Variants in SUPT3H observed in about 807,000 individuals in gnomAD.
SUPT3H encodes the protein SPT3 homolog, SAGA and STAGA complex component, also known as transcription initiation protein SPT3 homolog.
Under a neutral mutation model 44.3 loss-of-function variants are expected in SUPT3H, and 44 were observed. That is an observed-to-expected ratio of 0.99 (90% CI 0.78 to 1.28). The LOEUF (loss-of-function observed/expected upper bound fraction) is 1.28, where lower values mean the gene tolerates loss of function less well. Among genes scored for constraint, SUPT3H ranks in the 50% most tolerant of loss-of-function variants. SUPT3H has a pLI of 0.00. For missense variants in SUPT3H, 380 were observed against 387.1 expected, an observed-to-expected ratio of 0.98 and a Z score of 0.15; for synonymous variants, 124 against 125.6, an observed-to-expected ratio of 0.99 and a Z score of 0.09.
At chr6:45,327,908 G>A (rs967701715) in intron 2 of SUPT3H, among the ~76,000 whole-genome samples, 1 of 151,858 alleles carries the variant, frequency 6.6e-6, no homozygotes, top group African/African-American at 2.4e-5. Flanking sequence ...ACAGACTCTT[G>A]AGCCAATTTT....
intron 2 of SUPT3H, among the ~76,000 whole-genome samples, chr6:45,243,165 T>TC (rs1238517812): frequency 8.6e-6 from 1 of 116,788 alleles, no homozygotes; most frequent in Non-Finnish European, 1.6e-5. Flanking sequence ...GCCACTGCAC[T>TC]CCAGCCTGGG....
intron 9 of SUPT3H, among the ~76,000 whole-genome samples, chr6:44,946,121 C>T (rs921411998): frequency 1.6e-4 from 25 of 152,144 alleles, no homozygotes; most frequent in African/African-American, 5.8e-4. Flanking sequence ...TACAGCATGG[C>T]TTACTGAATA....
At chr6:44,906,426 T>C (rs983916818) in intron 10 of SUPT3H, among the ~76,000 whole-genome samples, 1 of 152,296 alleles carries the variant, frequency 6.6e-6, no homozygotes, top group Admixed American at 6.5e-5. Context: ...CATTGTACAA[T>C]GGATTTCATT....
At chr6:44,982,124 A>G (rs1391257495) in intron 6 of SUPT3H, among the ~76,000 whole-genome samples, 3 of 152,224 alleles carry the variant, frequency 2.0e-5, no homozygotes, top group African/African-American at 7.2e-5. Flanking sequence ...GATTTAAGAG[A>G]TAAGACAACC....
intron 2 of SUPT3H, among the ~76,000 whole-genome samples, chr6:45,162,387 G>T (rs927721127): frequency 2.0e-5 from 3 of 151,976 alleles, no homozygotes; most frequent in African/African-American, 4.8e-5. Context: ...AGCCAGCTGG[G>T]GTGGTGTGCA....
At chr6:45,314,692 A>G (rs1784442805) in intron 2 of SUPT3H, among the ~76,000 whole-genome samples, 1 of 152,226 alleles carries the variant, frequency 6.6e-6, no homozygotes, top group African/African-American at 2.4e-5. Flanking sequence ...CAGAATCAGT[A>G]TTGTGAAAAT....
chr6:45,292,567 T>C (rs1403894348), intron 2 of SUPT3H, among the ~76,000 whole-genome samples: 2 of 151,614 alleles, frequency 1.3e-5, no homozygotes, highest in Admixed American at 6.6e-5. Flanking sequence ...CAACCAATTA[T>C]CTGCTGCCTT....
rs111992171 is a variant in SUPT3H, at chr6:44,916,972, A to AAAACAAACAAAC, written c.912+15669_912+15680dup. Among the ~76,000 whole-genome samples, 990 of 150,956 alleles carry AAAACAAACAAAC rather than the reference A, an allele frequency of 6.6e-3. 10 individuals carry two copies. Among genetic ancestry groups the AAAACAAACAAAC allele is most frequent in the African/African-American group, 0.023 (941 of 40,646 alleles). On this transcript the variant is annotated intron_variant, in intron 10 of 10. Transcript: ENST00000371459. ...ACATGGTGAGACCCTGTCTCTACAA[A>AAAACAAACAAAC]AAACAAACAAACAAACAAACAAACA...
chr6:45,087,328 T>G (rs1796595137), intron 3 of SUPT3H, among the ~76,000 whole-genome samples: 1 of 151,908 alleles, frequency 6.6e-6, no homozygotes, highest in Non-Finnish European at 1.5e-5. Context: ...TATTAAAAGT[T>G]AAAATGTTTA....
intron 2 of SUPT3H, among the ~76,000 whole-genome samples, chr6:45,238,699 CTA>C (rs1769688842): frequency 6.6e-6 from 1 of 152,154 alleles, no homozygotes; most frequent in South Asian, 2.1e-4. Flanking sequence ...TTCATGGACT[CTA>C]TAACTCCTTA....
chr6:44,915,154 A>G (rs1767622491), intron 10 of SUPT3H, among the ~76,000 whole-genome samples: 1 of 152,226 alleles, frequency 6.6e-6, no homozygotes, highest in Non-Finnish European at 1.5e-5. Flanking sequence ...AACTGAATGC[A>G]TGAGAAATAC....
chr6:45,372,112 T>A (rs1239070938), intron 1 of SUPT3H: 1 of 716,424 alleles, frequency 1.4e-6, no homozygotes, highest in African/African-American at 1.9e-5. Context: ...AATATCTGAC[T>A]ATGCCAAACC....
intron 2 of SUPT3H, among the ~76,000 whole-genome samples, chr6:45,160,721 C>T (rs1359511350): frequency 6.6e-6 from 1 of 151,724 alleles, no homozygotes; most frequent in Non-Finnish European, 1.5e-5. Flanking sequence ...CTCATAGACA[C>T]AAAAGAAATA....
intron 10 of SUPT3H, among the ~76,000 whole-genome samples, chr6:44,833,931 A>C (rs1325955039): frequency 6.6e-6 from 1 of 152,212 alleles, no homozygotes; most frequent in Non-Finnish European, 1.5e-5. Flanking sequence ...TTCCGAGTAC[A>C]GACAATGGAC....
In SUPT3H at chr6:44,954,513, C is replaced by T. The variant is rs369552404; in HGVS notation, c.675G>A (p.Ala225=). Reference sequence around the variant, plus strand: ...TTCTTACCTGTGCCACAGTTTCATACGCTAAATATGCTAAGATTTCCATTG... The same window carrying T: ...TTCTTACCTGTGCCACAGTTTCATATGCTAAATATGCTAAGATTTCCATTG... ...VVAMEILAYL[A]YETVAQLVDL... Residue 225 remains alanine (A), a synonymous_variant, in exon 8 of 11, where the codon GCG becomes GCA. Transcript: ENST00000371459. The T allele has an allele frequency of 6.7e-4, 1,087 of 1,613,654 alleles. 15 individuals are homozygous for T. In the South Asian group the frequency reaches 0.011, roughly 16 times the overall value.
intron 2 of SUPT3H, among the ~76,000 whole-genome samples, chr6:45,114,417 G>C (rs144249869): frequency 6.6e-6 from 1 of 152,230 alleles, no homozygotes; most frequent in East Asian, 1.9e-4. Context: ...GCAATGGGCA[G>C]TGTGAAATAT....
chr6:44,999,223 G>A (rs1384791342), intron 6 of SUPT3H, among the ~76,000 whole-genome samples: 1 of 152,008 alleles, frequency 6.6e-6, no homozygotes, highest in Non-Finnish European at 1.5e-5. Flanking sequence ...GGGTGTGAGA[G>A]ACAGAGAAAG....
intron 2 of SUPT3H, among the ~76,000 whole-genome samples, chr6:45,308,514 G>A (rs1310190358): frequency 3.3e-5 from 5 of 152,110 alleles, no homozygotes; most frequent in Non-Finnish European, 7.4e-5. Flanking sequence ...AAGTGAAGGA[G>A]AAATAAAATA....
chr6:45,110,877 G>A (rs1799949841), intron 2 of SUPT3H, among the ~76,000 whole-genome samples: 1 of 151,988 alleles, frequency 6.6e-6, no homozygotes, highest in African/African-American at 2.4e-5. Flanking sequence ...AACTGTAAGG[G>A]GAAAATAAAT....
Sources: gnomAD v4.1 joint callset for allele counts (sites outside exome capture counted in the v4.1 genomes callset) on GRCh38, gnomAD v4.1.1 for gene constraint, MANE v1.5 for transcripts, NCBI Gene and HGNC (gene_info 2026-07-23, HGNC 2026-07-21) for gene names.